The following XDH variants were observed in gnomAD, a reference collection of about 807,000 sequenced individuals.
XDH encodes xanthine dehydrogenase/oxidase.
In XDH, 138 loss-of-function variants were observed where a neutral mutation model predicts 156.1. That is an observed-to-expected ratio of 0.88 (90% confidence interval 0.77 to 1.02). XDH has a LOEUF of 1.02. Ranked by LOEUF, XDH falls within the 50% of genes least tolerant of loss-of-function variation. XDH has a pLI of 0.00. For missense variants in XDH, 1,849 were observed against 1,684.9 expected (o/e 1.10, Z -1.71); for synonymous variants, 669 against 625.7 (o/e 1.07, Z -1.03).
intron 31 of XDH, among the ~76,000 whole-genome samples, chr2:31,342,965 A>T (rs985897195): frequency 6.6e-6 from 1 of 152,142 alleles, no homozygotes; most frequent in African/African-American, 2.4e-5. Flanking sequence ...GCATTTGTGC[A>T]TGTGTATTCA....
intron 30 of XDH, among the ~76,000 whole-genome samples, chr2:31,345,964 G>A (rs1685277780): frequency 6.6e-6 from 1 of 152,206 alleles, no homozygotes; most frequent in Admixed American, 6.5e-5. Context: ...GGTACACGTG[G>A]TATGGAGAGG....
At chr2:31,404,436 C>T (rs1287278412) in intron 2 of XDH, among the ~76,000 whole-genome samples, 1 of 152,146 alleles carries the variant, frequency 6.6e-6, no homozygotes, top group Non-Finnish European at 1.5e-5. Flanking sequence ...TCTGGAACTC[C>T]CATAAATTGA....
intron 5 of XDH, 57 bp downstream of exon 5, chr2:31,398,516 C>A (rs1380022097): frequency 1.9e-6 from 3 of 1,611,102 alleles, no homozygotes; most frequent in Non-Finnish European, 1.7e-6. Flanking sequence ...CTTGCCCTGA[C>A]CTCTGCAGGG....
At chr2:31,355,773 A>G (rs77956932) in intron 24 of XDH, among the ~76,000 whole-genome samples, 1 of 152,202 alleles carries the variant, frequency 6.6e-6, no homozygotes, top group Non-Finnish European at 1.5e-5. Flanking sequence ...TTATGCCTCA[A>G]CACATCAATC....
intron 6 of XDH, among the ~76,000 whole-genome samples, chr2:31,392,710 G>A (rs983763340): frequency 3.9e-5 from 6 of 152,092 alleles, no homozygotes; most frequent in South Asian, 2.1e-4. Context: ...GGCATGAGCC[G>A]TCGTGCCTGG....
At chr2:31,344,817 ACCT>A in intron 30 of XDH, 81 bp from the exon 31 acceptor site, 1 of 1,458,194 alleles carries the variant, frequency 6.9e-7, no homozygotes, top group Non-Finnish European at 9.6e-7. Flanking sequence ...TCAGGAGCTC[ACCT>A]CCTCTGGAAG....
rs368113624 is a variant in XDH at position 31,414,704 on chromosome 2, C to T, written c.-38G>A. On this transcript the variant is annotated 5_prime_UTR_variant, in exon 1 of 36. It adds an upstream start codon to the 5' untranslated region. Transcript: ENST00000379416. ...GGGTCCCCGAACTCCAGGTACCTCA[C>T]TCCTAAGAGACACTGGCAGGTAGTT... The T allele has an allele frequency of 2.5e-6, 4 of 1,613,696 alleles. No individual in the cohort carries two copies. The highest frequency in any genetic ancestry group is 3.4e-6 in the Non-Finnish European group (4 of 1,179,608).
chr2:31,340,182 CT>C (rs1685089411), intron 33 of XDH, among the ~76,000 whole-genome samples: 1 of 152,218 alleles, frequency 6.6e-6, no homozygotes, highest in Admixed American at 6.5e-5. Context: ...TCTCAGCCCC[CT>C]GCTCAGAAGC....
At chr2:31,372,132 C>T in intron 17 of XDH, 96 bp downstream of exon 17, 1 of 1,589,600 alleles carries the variant, frequency 6.3e-7, no homozygotes. Context: ...ATTATCTTTG[C>T]ATCTCCATGG....
At chr2:31,338,004 C>A (rs1208069047) in intron 34 of XDH, among the ~76,000 whole-genome samples, 187 bp from the exon 35 acceptor site, 1 of 152,190 alleles carries the variant, frequency 6.6e-6, no homozygotes, top group East Asian at 1.9e-4. Context: ...GGGCTAAGAA[C>A]AATCAAGCTA....
At chr2:31,379,475 G>T (rs1686371942) in intron 13 of XDH, among the ~76,000 whole-genome samples, 1 of 152,188 alleles carries the variant, frequency 6.6e-6, no homozygotes. Context: ...GTTCTTAGCT[G>T]CTGGTCATCT....
At chr2:31,379,592 T>C (rs561542125) in intron 13 of XDH, among the ~76,000 whole-genome samples, 118 of 152,258 alleles carry the variant, frequency 7.7e-4, no homozygotes, top group African/African-American at 2.7e-3. Flanking sequence ...GATAAGGGAA[T>C]TGGGGCTCAG....
intron 2 of XDH, among the ~76,000 whole-genome samples, chr2:31,403,998 T>C (rs1006843105): frequency 1.3e-5 from 2 of 152,192 alleles, no homozygotes; most frequent in African/African-American, 4.8e-5. Context: ...CATCTTATTT[T>C]TGAAAAGCAC....
At chr2:31,378,937 C>G (rs1168422454) in intron 13 of XDH, among the ~76,000 whole-genome samples, 2 of 152,006 alleles carry the variant, frequency 1.3e-5, no homozygotes, top group Non-Finnish European at 2.9e-5. Flanking sequence ...AGCTAGAAAA[C>G]CATTAAGAAA....
chr2:31,407,691 T>A (rs1209508472), intron 1 of XDH, among the ~76,000 whole-genome samples: 1 of 152,212 alleles, frequency 6.6e-6, no homozygotes, highest in Non-Finnish European at 1.5e-5. Flanking sequence ...GAGAGCTTTC[T>A]TGCTATCCTC....
At chr2:31,403,797 G>A (rs1180994586) in intron 2 of XDH, among the ~76,000 whole-genome samples, 1 of 152,056 alleles carries the variant, frequency 6.6e-6, no homozygotes, top group Admixed American at 6.5e-5. Flanking sequence ...TTTTAAAAGT[G>A]CCTAACTGGT....
chr2:31,388,018 G>C (rs943084697), intron 7 of XDH, 121 bp from the exon 8 acceptor site: 1 of 1,222,116 alleles, frequency 8.2e-7, no homozygotes, highest in Non-Finnish European at 1.2e-6. Flanking sequence ...TGCAAGAGGA[G>C]CAGGTAATCC....
intron 2 of XDH, 98 bp from the exon 3 acceptor site, chr2:31,403,242 C>T: frequency 7.6e-7 from 1 of 1,319,132 alleles, no homozygotes; most frequent in Non-Finnish European, 1.1e-6. Flanking sequence ...GCCATTCATT[C>T]CCACACGTGC....
chr2:31,363,946 T>C (rs964594896), intron 24 of XDH, among the ~76,000 whole-genome samples: 1 of 152,306 alleles, frequency 6.6e-6, no homozygotes, highest in Non-Finnish European at 1.5e-5. Flanking sequence ...CAAATTATCT[T>C]GAACAGGAAG....
Sources: allele counts gnomAD v4.1 joint callset (sites outside exome capture counted in the v4.1 genomes callset), GRCh38; gene constraint gnomAD v4.1.1; transcripts MANE v1.5; gene names NCBI Gene and HGNC (gene_info 2026-07-23, HGNC 2026-07-21).